The following MED14 variants were observed in gnomAD, a reference collection of about 807,000 sequenced individuals.
MED14 encodes mediator complex subunit 14.
In MED14, 8 loss-of-function variants were observed where a neutral mutation model predicts 109.0. The ratio of observed to expected loss-of-function variants is 0.07; its 90% CI spans 0.04 to 0.13. The LOEUF (loss-of-function observed/expected upper bound fraction) is 0.13, where lower values mean the gene tolerates loss of function less well. Ranked by LOEUF, MED14 falls within the 10% of genes least tolerant of loss-of-function variation. MED14 has a pLI of 1.00. For synonymous variants in MED14, 399 were observed against 408.7 expected (o/e 0.98, Z 0.29); for missense variants, 711 against 1,142.4 (o/e 0.62, Z 5.44).
Position 40,711,280 on chromosome X carries a change from T to C in MED14, c.911A>G (p.Gln304Arg). ...AGTTTGGGAATGTAACACTTCTAACTGAAGTGATAAACAGAAAGAATCTGA... is the reference window on the plus strand; with the variant it reads ...AGTTTGGGAATGTAACACTTCTAACCGAAGTGATAAACAGAAAGAATCTGA... ...NCLHSFCLSL[Q>R]LEVLHSQTLM... Residue 304 changes from glutamine (Q) to arginine (R), a missense_variant, in exon 8 of 31, where the codon CAG (glutamine) becomes CGG (arginine). Physicochemically the swap from Gln to Arg is conservative, Grantham distance 43 (BLOSUM62 1). This residue lies in a region of MED14 where 388 missense variants were observed against 517.3 expected (regional missense o/e 0.75). Transcript: ENST00000324817. The C allele has an allele frequency of 8.4e-7, 1 of 1,196,164 alleles. No individual in the cohort carries two copies. The highest frequency in any genetic ancestry group is 1.1e-6 in the Non-Finnish European group (1 of 882,815).
At position 40,688,475 on chromosome X, in the gene MED14, C is replaced by G. The variant is rs1174070883; in HGVS notation, c.2036G>C (p.Ser679Thr). The G allele has an allele frequency of 3.3e-6, 4 of 1,207,228 alleles. No individual in the cohort carries two copies. The highest frequency in any genetic ancestry group is 4.5e-6 in the Non-Finnish European group (4 of 891,165). The change falls in exon 16 of 31, where the codon AGC (serine) becomes ACC (threonine). Residue 679 changes from serine (S) to threonine (T), a missense_variant. Physicochemically the swap from Ser to Thr is moderately conservative, Grantham distance 58 (BLOSUM62 1). Around this residue, in one of 8 missense-constraint regions of MED14, gnomAD observed 388 missense variants for 517.3 expected, o/e 0.75. Transcript: ENST00000324817. ...QGVQVEGDGF[S>T]HAIRLLKIPP... is the part of the protein sequence containing the mutation. Reference sequence around the variant, plus strand: ...TTACTTTAATAAGCGAATTGCATGGCTGAAGCCATCACCTTCCACTTGCAC... The same window carrying G: ...TTACTTTAATAAGCGAATTGCATGGGTGAAGCCATCACCTTCCACTTGCAC...
At chrX:40,699,001 G>A (rs1930826661) in intron 12 of MED14, among the ~76,000 whole-genome samples, 1 of 111,856 alleles carries the variant, frequency 8.9e-6, no homozygotes. Flanking sequence ...ACCAAAAAGT[G>A]GAAACAACCC....
intron 16 of MED14, among the ~76,000 whole-genome samples, chrX:40,686,966 A>G (rs964590226): frequency 2.4e-5 from 2 of 81,797 alleles, no homozygotes; most frequent in African/African-American, 2.0e-4. Context: ...TGTCCATTAG[A>G]ACTTAAGCCC....
intron 28 of MED14, among the ~76,000 whole-genome samples, chrX:40,657,910 G>C (rs1375587069): frequency 6.4e-5 from 7 of 110,057 alleles, no homozygotes; most frequent in African/African-American, 2.0e-4. Context: ...TCCTGCCTCA[G>C]CCTCCCAAGT....
chrX:40,702,953 TCAGTAA>T (rs1931009016), intron 11 of MED14, among the ~76,000 whole-genome samples: 1 of 112,005 alleles, frequency 8.9e-6, no homozygotes, highest in South Asian at 3.7e-4. Flanking sequence ...TAACACTGAC[TCAGTAA>T]CAGAACAAGT....
Position 40,651,172 on chromosome X carries a change from T to A in MED14, c.*634A>T, listed in dbSNP as rs369095637. ...TTTTGGTCAAATTTCAGACATGTAT[T>A]ATTATAAATTAATAACTGGCTCCAT... On this transcript the variant is annotated 3_prime_UTR_variant, in exon 31 of 31. Coordinates refer to ENST00000324817, the MANE Select transcript of MED14 (RefSeq NM_004229.4). 1.7e-5 allele frequency: 13 copies of A among 749,868 alleles called. No homozygotes were observed. The highest frequency in any genetic ancestry group is 1.2e-4 in the African/African-American group (5 of 43,232). The allele number at this position is 749,868 out of a possible 1,213,427, so 61.8% of individuals were successfully genotyped here.
At chrX:40,672,633 T>C (rs1487193785) in intron 22 of MED14, among the ~76,000 whole-genome samples, 2 of 112,423 alleles carry the variant, frequency 1.8e-5, no homozygotes, top group Non-Finnish European at 3.8e-5. Flanking sequence ...TCATTGTAGC[T>C]TTAATTTGTA....
Position 40,681,905 on chromosome X carries a change from C to T in MED14, c.2404G>A (p.Val802Ile), listed in dbSNP as rs1930126092. 6.9e-6 allele frequency: 8 copies of T among 1,154,610 alleles called. No individual in the cohort carries two copies. Among genetic ancestry groups the T allele is most frequent in the Non-Finnish European group, 9.3e-6 (8 of 859,977 alleles). Reference sequence around the variant, plus strand: ...AAGATAAGTTTTCGGTAATTATAAACACGAACTTCTGAGAAAATATTTAGA... The same window carrying T: ...AAGATAAGTTTTCGGTAATTATAAATACGAACTTCTGAGAAAATATTTAGA... ...AHLNIFSEVRVYNYRKLILCY... is the reference protein window; with the variant it reads ...AHLNIFSEVRIYNYRKLILCY... The change falls in exon 19 of 31, where the codon GTT (valine) becomes ATT (isoleucine). Residue 802 changes from valine (V) to isoleucine (I), a missense_variant. Coordinates refer to ENST00000324817, the MANE Select transcript of MED14 (RefSeq NM_004229.4).
chrX:40,649,602 A>G lies in MED14; in HGVS notation c.*2204T>C. On this transcript the variant is annotated 3_prime_UTR_variant, in exon 31 of 31. Coordinates refer to ENST00000324817, the MANE Select transcript of MED14 (RefSeq NM_004229.4). ...TGTAAATACTAAAATCACATTGAAA[A>G]CACCTTAAAGTTAAGTCCCAACCCG... 1.1e-6 allele frequency: 1 copy of G among 940,276 alleles called. No homozygotes were observed. Among genetic ancestry groups the G allele is most frequent in the Non-Finnish European group, 1.4e-6 (1 of 739,289 alleles). The allele number at this position is 940,276 out of a possible 1,213,427, so 77.5% of individuals were successfully genotyped here.
chrX:40,682,708 A>T lies in MED14; in HGVS notation c.2260T>A (p.Ser754Thr). The T allele has an allele frequency of 8.3e-7, 1 of 1,208,971 alleles. No homozygotes were observed. ...ACCTTTCTACCACCAACAGGCTCAG[A>T]CAACAGATTTTCATATGTCAGGTAA... ...HVYLTYENLL[S>T]EPVGGRKVVE... Residue 754 changes from serine to threonine, a missense_variant, in exon 18 of 31, where the codon TCT (serine) becomes ACT (threonine). By Grantham distance (58) the Ser-to-Thr change is moderately conservative (BLOSUM62 1). Around this residue, in one of 8 missense-constraint regions of MED14, gnomAD observed 388 missense variants for 517.3 expected, o/e 0.75. Transcript: ENST00000324817.
chrX:40,726,634 T>C (rs1337091471), intron 3 of MED14, 112 bp downstream of exon 3: 4 of 541,614 alleles, frequency 7.4e-6, no homozygotes, highest in Non-Finnish European at 8.9e-6. Flanking sequence ...ATATGATTAT[T>C]CACATGTCAC....
At chrX:40,704,687 T>C (rs769846696) in intron 10 of MED14, among the ~76,000 whole-genome samples, 12 of 112,085 alleles carry the variant, frequency 1.1e-4, no homozygotes, top group Non-Finnish European at 2.3e-4. Context: ...ATGGATGACA[T>C]TACCATTGGT....
chrX:40,678,731 T>C (rs1930004511), intron 21 of MED14, among the ~76,000 whole-genome samples: 1 of 109,259 alleles, frequency 9.2e-6, no homozygotes, highest in Admixed American at 9.8e-5. Context: ...GATTTAGCCC[T>C]GGTGGTTGAG....
chrX:40,649,778 G>C lies in MED14; in HGVS notation c.*2028C>G. On this transcript the variant is annotated 3_prime_UTR_variant, in exon 31 of 31. Transcript: ENST00000324817. ...GGTATATATCAATTCCAAGTACCAA[G>C]CATAATATAAAAATTCAAATTCATG... 1.2e-6 allele frequency: 1 copy of C among 804,275 alleles called. No homozygotes were observed. Among genetic ancestry groups the C allele is most frequent in the Non-Finnish European group, 1.5e-6 (1 of 663,172 alleles). The allele number at this position is 804,275 out of a possible 1,213,427, so 66.3% of individuals were successfully genotyped here.
In MED14 at chrX:40,692,752, G is replaced by A. The variant is rs763899660; in HGVS notation, c.1801C>T (p.Arg601Cys). 2.1e-5 allele frequency: 25 copies of A among 1,207,370 alleles called. No homozygotes were observed. The highest frequency in any genetic ancestry group is 3.0e-5 in the East Asian group (1 of 33,675). Reference protein sequence around the residue: ...FKENIQDLVFRTKTGKQTRTN... With the variant: ...FKENIQDLVFCTKTGKQTRTN... ...CTGGTCTGTTTCCCGGTTTTTGTACGAAAAACCAAGTCCTGAATGTTTTCC... is the reference window on the plus strand; with the variant it reads ...CTGGTCTGTTTCCCGGTTTTTGTACAAAAAACCAAGTCCTGAATGTTTTCC... Residue 601 changes from arginine to cysteine, a missense_variant, in exon 14 of 31, where the codon CGT (arginine) becomes TGT (cysteine). This residue lies in a region of MED14 where 388 missense variants were observed against 517.3 expected (regional missense o/e 0.75). Coordinates refer to ENST00000324817, the MANE Select transcript of MED14 (RefSeq NM_004229.4).
intron 23 of MED14, among the ~76,000 whole-genome samples, chrX:40,670,069 A>AT (rs1378449787): frequency 8.9e-6 from 1 of 111,814 alleles, no homozygotes; most frequent in Non-Finnish European, 1.9e-5. Flanking sequence ...ATGAGGATCT[A>AT]TTTTTTTAAA....
At chrX:40,662,237 T>C (rs1322942190) in intron 26 of MED14, among the ~76,000 whole-genome samples, 1 of 110,264 alleles carries the variant, frequency 9.1e-6, no homozygotes, top group Non-Finnish European at 1.9e-5. Context: ...TTTTTCTCTT[T>C]TTATTTTTTT....
chrX:40,707,133 A>ATAGG, intron 10 of MED14, among the ~76,000 whole-genome samples: 1 of 110,664 alleles, frequency 9.0e-6, no homozygotes, highest in East Asian at 2.8e-4. Flanking sequence ...AGATAGATAG[A>ATAGG]TAGATAGATA....
chrX:40,664,591 C>A, intron 24 of MED14, 102 bp from the exon 25 acceptor site: 1 of 522,512 alleles, frequency 1.9e-6, no homozygotes. Flanking sequence ...TTTATTTTTT[C>A]TTCCAATAAG....
Sources: allele counts gnomAD v4.1 joint callset (sites outside exome capture counted in the v4.1 genomes callset), GRCh38; gene constraint gnomAD v4.1.1; regional missense constraint gnomAD v4.1.1; transcripts MANE v1.5; gene names NCBI Gene and HGNC (gene_info 2026-07-23, HGNC 2026-07-21).